MEGF10: variants seen among roughly 807,000 people sequenced by gnomAD.
MEGF10 encodes the protein multiple EGF like domains 10, also known as multiple epidermal growth factor-like domains protein 10.
Under a neutral mutation model 147.5 loss-of-function variants are expected in MEGF10, and 86 were observed. The observed-to-expected ratio is 0.58, with a 90% confidence interval of 0.49 to 0.70. The LOEUF is 0.70. MEGF10 is among the 30% of genes least tolerant of loss of function. The pLI is 0.00. For synonymous variants in MEGF10, 478 were observed against 525.5 expected, an observed-to-expected ratio of 0.91 and a Z score of 1.24; for missense variants, 1,329 against 1,487.3, an observed-to-expected ratio of 0.89 and a Z score of 1.75.
chr5:127,355,067 C>A (rs1184322383), intron 4 of MEGF10, among the ~76,000 whole-genome samples: 1 of 152,150 alleles, frequency 6.6e-6, no homozygotes, highest in African/African-American at 2.4e-5. Flanking sequence ...GGCCCAGATT[C>A]TTTAGGCTGA....
chr5:127,376,238 C>T lies in MEGF10; in HGVS notation c.412+6236C>T, dbSNP rs148261857. On this transcript the variant is annotated intron_variant, in intron 5 of 24. Coordinates refer to ENST00000503335, the MANE Select transcript of MEGF10 (RefSeq NM_001256545.2). ...AGAGAGTTAGTAAGAAGTAAGTGTACGGTCAAGAAAAAGTTTTTTGTTTTC... is the reference window on the plus strand; with the variant it reads ...AGAGAGTTAGTAAGAAGTAAGTGTATGGTCAAGAAAAAGTTTTTTGTTTTC... Among the ~76,000 whole-genome samples the T allele has an allele frequency of 1.1e-3, 173 of 152,196 alleles. 2 individuals are homozygous for T. Among genetic ancestry groups the T allele is most frequent in the African/African-American group, 3.3e-3 (136 of 41,522 alleles).
At chr5:127,403,372 T>A (rs1764200953) in intron 8 of MEGF10, among the ~76,000 whole-genome samples, 1 of 152,180 alleles carries the variant, frequency 6.6e-6, no homozygotes, top group African/African-American at 2.4e-5. Context: ...AGGCTTGCAA[T>A]GTGAACTAAG....
chr5:127,400,589 T>G (rs1404882447), intron 7 of MEGF10, among the ~76,000 whole-genome samples: 1 of 152,236 alleles, frequency 6.6e-6, no homozygotes, highest in African/African-American at 2.4e-5. Context: ...AGCAGAGTGT[T>G]GAGAACTCCA....
chr5:127,260,165 ATAAATAAATAAG>A, the MEGF10 span, among the ~76,000 whole-genome samples: 1 of 152,064 alleles, frequency 6.6e-6, no homozygotes, highest in African/African-American at 2.4e-5. Context: ...TCAAAAATAA[ATAAATAAATAAG>A]TAAATAAATA....
intron 4 of MEGF10, among the ~76,000 whole-genome samples, chr5:127,350,430 T>C (rs1762045260): frequency 6.6e-6 from 1 of 152,136 alleles, no homozygotes; most frequent in Admixed American, 6.6e-5. Flanking sequence ...CCTGTCTTGC[T>C]TCACTTTCTC....
rs113470388 is a variant in MEGF10, at chr5:127,453,972, T to A, written c.2981-594T>A. 5.2e-4 allele frequency among the ~76,000 whole-genome samples: 79 copies of A among 152,300 alleles called. 2 individuals carry two copies. Among genetic ancestry groups the A allele is most frequent in the African/African-American group, 1.9e-3 (77 of 41,578 alleles). On this transcript the variant is annotated intron_variant, in intron 22 of 24. Transcript: ENST00000503335. Reference sequence around the variant, plus strand: ...CCCACGAAATAAAGGCTGGCCATTTTCCAATGAGAAAGCAGGTTTTTTTGT... The same window carrying A: ...CCCACGAAATAAAGGCTGGCCATTTACCAATGAGAAAGCAGGTTTTTTTGT...
chr5:127,416,852 T>C (rs955036049), intron 9 of MEGF10, among the ~76,000 whole-genome samples: 4 of 152,142 alleles, frequency 2.6e-5, no homozygotes, highest in Non-Finnish European at 5.9e-5. Context: ...TTTCCAAGAG[T>C]AGAAAATCTA....
At chr5:127,357,210 G>A (rs571051373) in intron 4 of MEGF10, among the ~76,000 whole-genome samples, 20 of 152,256 alleles carry the variant, frequency 1.3e-4, no homozygotes, top group South Asian at 2.1e-4. Context: ...GAGGAGATGC[G>A]TATTTTACTG....
chr5:127,351,136 A>G (rs2126820395), intron 4 of MEGF10, among the ~76,000 whole-genome samples: 1 of 152,320 alleles, frequency 6.6e-6, no homozygotes, highest in Non-Finnish European at 1.5e-5. Flanking sequence ...AAAAATAACT[A>G]AAAGAGTAAA....
chr5:127,449,139 AC>A lies in MEGF10; in HGVS notation c.2900del (p.Pro967LeufsTer41). On this transcript the variant is annotated frameshift_variant, in exon 22 of 25. Coordinates refer to ENST00000503335, the MANE Select transcript of MEGF10 (RefSeq NM_001256545.2). LOFTEE classifies it high-confidence loss of function. ...CTGTTTGTGAATCTTAAAAATGTGAACCCTGGGAAGAGAGGCCCTGTGGGGG... is the reference window on the plus strand; with the variant it reads ...CTGTTTGTGAATCTTAAAAATGTGAACCTGGGAAGAGAGGCCCTGTGGGGG... ...NQLFVNLKNV[N>X]PGKRGPVGDC... 1 of 1,613,824 alleles carries A rather than the reference AC, an allele frequency of 6.2e-7. No individual in the cohort carries two copies.
intron 16 of MEGF10, among the ~76,000 whole-genome samples, chr5:127,436,332 A>AT (rs758316740): frequency 2.6e-5 from 4 of 152,120 alleles, no homozygotes; most frequent in Non-Finnish European, 4.4e-5. Flanking sequence ...TTGCTGGAAG[A>AT]TTTTTTTCTG....
rs1342024718 is a variant in MEGF10 at position 127,332,649 on chromosome 5, T to C, written c.116+1225T>C. ...AACTTTAAGCTGCAGAGAGAATATATGTATATAATAAAGTTCTATATATTT... is the reference window on the plus strand; with the variant it reads ...AACTTTAAGCTGCAGAGAGAATATACGTATATAATAAAGTTCTATATATTT... On this transcript the variant is annotated intron_variant, in intron 2 of 24. Coordinates refer to ENST00000503335, the MANE Select transcript of MEGF10 (RefSeq NM_001256545.2). Among the ~76,000 whole-genome samples the C allele has an allele frequency of 2.0e-5, 3 of 152,192 alleles. No homozygotes were observed. In the East Asian group the frequency reaches 5.8e-4, roughly 29 times the overall value.
At chr5:127,390,518 T>C (rs1165951874) in intron 5 of MEGF10, among the ~76,000 whole-genome samples, 1 of 152,180 alleles carries the variant, frequency 6.6e-6, no homozygotes, top group African/African-American at 2.4e-5. Flanking sequence ...CTCTAACTCC[T>C]GACCTCAAAT....
At chr5:127,286,723 AG>A (rs1450969379), upstream of MEGF10, among the ~76,000 whole-genome samples, 1 of 151,898 alleles carries the variant, frequency 6.6e-6, no homozygotes, top group Non-Finnish European at 1.5e-5. Context: ...GAAATAGTAA[AG>A]GTAAGAGCTA....
At chr5:127,378,937 C>T (rs1763140619) in intron 5 of MEGF10, among the ~76,000 whole-genome samples, 2 of 151,610 alleles carry the variant, frequency 1.3e-5, no homozygotes, top group East Asian at 1.9e-4. Flanking sequence ...GTTTATATTG[C>T]TTCTGGCATA....
At chr5:127,423,311 A>G (rs1022987893) in intron 13 of MEGF10, among the ~76,000 whole-genome samples, 1 of 152,214 alleles carries the variant, frequency 6.6e-6, no homozygotes, top group Non-Finnish European at 1.5e-5. Flanking sequence ...CTGTAACCAC[A>G]GGGTGGGAGT....
At chr5:127,297,185 TC>T in intron 1 of MEGF10, among the ~76,000 whole-genome samples, 1 of 152,318 alleles carries the variant, frequency 6.6e-6, no homozygotes, top group South Asian at 2.1e-4. Context: ...CAGGCTGGTC[TC>T]GAACTCCTGA....
At position 127,329,344 on chromosome 5, in the gene MEGF10, A is replaced by G. The variant is rs189915869; in HGVS notation, c.-18-1947A>G. ...ACAATATCTTTTAATTATACTACAA[A>G]TTCATGATTTTTTCCTTATTCCAAG... On this transcript the variant is annotated intron_variant, in intron 1 of 24. Coordinates refer to ENST00000503335, the MANE Select transcript of MEGF10 (RefSeq NM_001256545.2). 3.0e-3 allele frequency among the ~76,000 whole-genome samples: 462 copies of G among 152,270 alleles called. 1 individual carries two copies. The highest frequency in any genetic ancestry group is 3.5e-3 in the South Asian group (17 of 4,826).
chr5:127,247,526 A>G, the MEGF10 span, among the ~76,000 whole-genome samples: 4 of 151,754 alleles, frequency 2.6e-5, no homozygotes, highest in Admixed American at 1.3e-4. Context: ...GAAGGAATAA[A>G]AAGCTCATGA....
Sources: gnomAD v4.1 joint callset for allele counts (sites outside exome capture counted in the v4.1 genomes callset) on GRCh38, gnomAD v4.1.1 for gene constraint, MANE v1.5 for transcripts, NCBI Gene and HGNC (gene_info 2026-07-23, HGNC 2026-07-21) for gene names.